TMCC2: variants seen among roughly 807,000 people sequenced by gnomAD.
TMCC2 encodes the protein transmembrane and coiled-coil domains protein 2.
A neutral mutation model predicts 49.4 loss-of-function variants in TMCC2; 16 were observed. The ratio of observed to expected loss-of-function variants is 0.32; its 90% confidence interval spans 0.22 to 0.49. TMCC2 has a LOEUF of 0.49. Ranked by LOEUF, TMCC2 falls within the 20% of genes least tolerant of loss-of-function variation. The probability of loss-of-function intolerance (pLI) is 0.99; values close to 1 mark genes in which losing one functional copy is unlikely to be tolerated. For missense variants in TMCC2, 762 were observed against 989.8 expected, an observed-to-expected ratio of 0.77 and a Z score of 3.09; for synonymous variants, 397 against 434.1, an observed-to-expected ratio of 0.91 and a Z score of 1.06.
intron 1 of TMCC2, chr1:205,229,528 G>A (rs998223510): frequency 1.6e-6 from 1 of 639,392 alleles, no homozygotes; most frequent in Non-Finnish European, 1.9e-6. Context: ...AGCTCAGTTT[G>A]CCGATCTGTG....
chr1:205,270,069 C>T (rs1661520881), intron 3 of TMCC2, among the ~76,000 whole-genome samples, 185 bp downstream of exon 3: 1 of 152,018 alleles, frequency 6.6e-6, no homozygotes, highest in South Asian at 2.1e-4. Flanking sequence ...TTTTTGGAGG[C>T]GGAGTGTCTC....
chr1:205,260,357 G>A (rs1038034965), intron 2 of TMCC2, among the ~76,000 whole-genome samples: 1 of 152,242 alleles, frequency 6.6e-6, no homozygotes, highest in Non-Finnish European at 1.5e-5. Flanking sequence ...CTTTGGGCTG[G>A]GGAACCTTGG....
chr1:205,261,391 A>C (rs1489745645), intron 2 of TMCC2, among the ~76,000 whole-genome samples: 1 of 150,766 alleles, frequency 6.6e-6, no homozygotes, highest in Non-Finnish European at 1.5e-5. Flanking sequence ...TTTTGTAGAG[A>C]CAGGTCTTGC....
chr1:205,239,622 A>G lies in TMCC2; in HGVS notation c.208-1883A>G, dbSNP rs560182691. On this transcript the variant is annotated intron_variant, in intron 1 of 4. Transcript: ENST00000358024. ...CTTTTGTTACTATTTAGGAGAATCA[A>G]TGGGATAATGCAGGATACAAATCTC... Among the ~76,000 whole-genome samples, 8 of 152,344 alleles carry G rather than the reference A, an allele frequency of 5.3e-5. No homozygotes were observed. In the East Asian group the frequency reaches 1.2e-3, roughly 22 times the overall value.
chr1:205,249,091 G>A (rs1660565822), intron 2 of TMCC2, among the ~76,000 whole-genome samples: 1 of 152,160 alleles, frequency 6.6e-6, no homozygotes, highest in African/African-American at 2.4e-5. Context: ...AAGGAAGAGA[G>A]GGCCAAGATC....
chr1:205,239,453 G>T (rs768563263), intron 1 of TMCC2, among the ~76,000 whole-genome samples: 2 of 152,158 alleles, frequency 1.3e-5, no homozygotes, highest in Non-Finnish European at 2.9e-5. Context: ...CCTCAAGCTG[G>T]CCCCCAGGGG....
chr1:205,258,712 C>G (rs1660981020), intron 2 of TMCC2, among the ~76,000 whole-genome samples: 1 of 152,150 alleles, frequency 6.6e-6, no homozygotes, highest in Admixed American at 6.5e-5. Context: ...ATTTTTCCAC[C>G]CTGCTCTTGC....
chr1:205,248,353 C>T (rs1660535296), intron 2 of TMCC2, among the ~76,000 whole-genome samples: 1 of 152,120 alleles, frequency 6.6e-6, no homozygotes, highest in Admixed American at 6.5e-5. Context: ...AAGCTGCAGT[C>T]AGGCGTGATT....
intron 2 of TMCC2, among the ~76,000 whole-genome samples, chr1:205,265,852 C>T (rs1661301961): frequency 6.6e-6 from 1 of 151,622 alleles, no homozygotes; most frequent in Non-Finnish European, 1.5e-5. Flanking sequence ...AGGCACTGCA[C>T]CTGGCCCCAG....
chr1:205,261,044 T>A (rs1173811959), intron 2 of TMCC2, among the ~76,000 whole-genome samples: 1 of 152,164 alleles, frequency 6.6e-6, no homozygotes, highest in African/African-American at 2.4e-5. Context: ...ATTGAAAATA[T>A]CTAGGAGTGG....
Position 205,272,058 on chromosome 1 carries a change from G to A in TMCC2, c.2064G>A (p.Leu688=). Residue 688 remains leucine (L), a synonymous_variant, in exon 5 of 5, where the codon CTG becomes CTA. Transcript: ENST00000358024. ...ITSTTLLVLV[L]FLLWKHWDSL... is the part of the protein sequence containing the mutation. ...GCACCACCCTCCTGGTCCTCGTCCT[G>A]TTCCTCCTCTGGAAGCACTGGGACT... 6.2e-7 allele frequency: 1 copy of A among 1,614,190 alleles called. No individual in the cohort carries two copies. The highest frequency in any genetic ancestry group is 1.7e-5 in the Admixed American group (1 of 60,022).
rs1313869055 is a variant in TMCC2 at position 205,271,201 on chromosome 1, C to T, written c.1764C>T (p.Ala588=). 6.2e-7 allele frequency: 1 copy of T among 1,613,994 alleles called. No homozygotes were observed. Among genetic ancestry groups the T allele is most frequent in the Non-Finnish European group, 8.5e-7 (1 of 1,180,042 alleles). ...NEMTNLKQEL[A]SMEEKVAYQS... ...TGACGAACCTGAAGCAGGAGCTGGC[C>T]AGCATGGAGGAGAAGGTGGCCTACC... Residue 588 remains alanine (A), a synonymous_variant, in exon 4 of 5, where the codon GCC becomes GCT. Coordinates refer to ENST00000358024, the MANE Select transcript of TMCC2 (RefSeq NM_014858.4).
intron 2 of TMCC2, among the ~76,000 whole-genome samples, chr1:205,253,585 C>G (rs1258882274): frequency 6.6e-6 from 1 of 152,164 alleles, no homozygotes; most frequent in African/African-American, 2.4e-5. Context: ...GAGGAGGCGC[C>G]CCAGGGATGT....
chr1:205,248,789 T>C (rs1660555066), intron 2 of TMCC2, among the ~76,000 whole-genome samples: 1 of 151,378 alleles, frequency 6.6e-6, no homozygotes, highest in African/African-American at 2.4e-5. Flanking sequence ...TTCTCTCATC[T>C]CTCCCAGGCC....
chr1:205,229,158 T>TGG (rs1659681328), intron 1 of TMCC2: 1 of 112,110 alleles, frequency 8.9e-6, no homozygotes, highest in Admixed American at 1.2e-3. Flanking sequence ...GATCTTTGTG[T>TGG]GTGTGTGTGT....
chr1:205,271,706 G>T, intron 4 of TMCC2, 107 bp from the exon 5 acceptor site: 1 of 1,430,326 alleles, frequency 7.0e-7, no homozygotes, highest in Non-Finnish European at 9.3e-7. Context: ...CTGGCCTTTG[G>T]AGAGGAGACT....
In TMCC2 at chr1:205,264,634, G is replaced by C. The variant is rs552327945; in HGVS notation, c.748-4316G>C. 6.6e-6 allele frequency among the ~76,000 whole-genome samples: 1 copy of C among 152,026 alleles called. No homozygotes were observed. Among genetic ancestry groups the C allele is most frequent in the Admixed American group, 6.6e-5 (1 of 15,252 alleles). On this transcript the variant is annotated intron_variant, in intron 2 of 4. Transcript: ENST00000358024. The surrounding 1 kb of genome is among the most constrained non-coding windows in gnomAD (Gnocchi z 4.2). ...CGAGTAGCTGGGACTACGGGTGCCC[G>C]CCACCACATCCCACACCCAGCTAAT... is the stretch of plus-strand genomic sequence containing the variant.
intron 2 of TMCC2, among the ~76,000 whole-genome samples, chr1:205,252,494 G>A (rs772382838): frequency 5.3e-5 from 8 of 152,148 alleles, no homozygotes; most frequent in Non-Finnish European, 8.8e-5. Flanking sequence ...AGAGCTCTTT[G>A]GTCACATGGG....
Position 205,241,619 on chromosome 1 carries a change from C to T in TMCC2, c.322C>T (p.His108Tyr). 6.2e-7 allele frequency: 1 copy of T among 1,613,994 alleles called. No homozygotes were observed. The highest frequency in any genetic ancestry group is 1.1e-5 in the South Asian group (1 of 91,076). ...EHQTSQDSQQ[H>Y]QQQQGMSDHD... ...CCAGACGTCTCAGGATTCCCAGCAGCATCAGCAGCAGCAGGGTATGTCCGA... is the reference window on the plus strand; with the variant it reads ...CCAGACGTCTCAGGATTCCCAGCAGTATCAGCAGCAGCAGGGTATGTCCGA... The change falls in exon 2 of 5, where the codon CAT becomes TAT. Residue 108 changes from histidine to tyrosine, a missense_variant. Coordinates refer to ENST00000358024, the MANE Select transcript of TMCC2 (RefSeq NM_014858.4). This position sits in a 1 kb window ranked among gnomAD's most constrained non-coding sequence, Gnocchi z 7.3.
Sources: gnomAD v4.1 joint callset for allele counts (sites outside exome capture counted in the v4.1 genomes callset) on GRCh38, gnomAD v4.1.1 for gene constraint, Gnocchi (gnomAD v3.1) non-coding constraint, MANE v1.5 for transcripts, NCBI Gene and HGNC (gene_info 2026-07-23, HGNC 2026-07-21) for gene names.